LRP1: variants seen among roughly 807,000 people sequenced by gnomAD.
The protein encoded by LRP1 is prolow-density lipoprotein receptor-related protein 1.
In LRP1, 51 loss-of-function variants were observed where a neutral mutation model predicts 541.5. That is an observed-to-expected ratio of 0.09 (90% CI 0.08 to 0.12). The LOEUF is 0.12. Among genes scored for constraint, LRP1 ranks in the 10% least tolerant of loss-of-function variants. The probability of loss-of-function intolerance (pLI) is 1.00; values close to 1 mark genes in which losing one functional copy is unlikely to be tolerated. For missense variants in LRP1, 3,878 were observed against 6,376.2 expected (o/e 0.61, Z 13.34); for synonymous variants, 2,219 against 2,470.8 (o/e 0.90, Z 3.02).
Position 57,162,202 on chromosome 12 carries a change from G to A in LRP1, c.2203-115G>A. ...CTCTGGGGCTCCCAGGCTAATGGGG[G>A]AAACAAAGCAAAACCCATGCCCAGG... is the stretch of plus-strand genomic sequence containing the variant. On this transcript the variant is annotated intron_variant, in intron 13 of 88. Transcript: ENST00000243077. This position sits in a 1 kb window ranked among gnomAD's most constrained non-coding sequence, Gnocchi z 5.2. The A allele has an allele frequency of 1.1e-6, 1 of 937,364 alleles. No homozygotes were observed. The highest frequency in any genetic ancestry group is 1.8e-5 in the Admixed American group (1 of 56,948). The allele number at this position is 937,364 out of a possible 1,614,324, so 58.1% of individuals were successfully genotyped here. A position where few individuals can be genotyped will look rare whatever the true frequency, so the allele number is the denominator to read the frequency against.
intron 42 of LRP1, 84 bp from the exon 43 acceptor site, chr12:57,190,721 C>G: frequency 7.7e-7 from 1 of 1,303,278 alleles, no homozygotes; most frequent in South Asian, 1.2e-5. Context: ...CTTCCAGGTT[C>G]CAGGTGCCTA....
Position 57,156,401 on chromosome 12 carries a change from T to C in LRP1, c.1417+118T>C, listed in dbSNP as rs547741200. 334 of 1,075,904 alleles carry C rather than the reference T, an allele frequency of 3.1e-4. 3 individuals are homozygous for C. In the South Asian group the frequency reaches 5.2e-3, roughly 17 times the overall value. 66.6% of individuals were successfully genotyped at this position (1,075,904 alleles called of 1,614,324 possible). ...GGGGACCCTGGCTTCTTTCATGTCA[T>C]GACCGATTCTCCTAGCCAGCCACTC... On this transcript the variant is annotated intron_variant, in intron 9 of 88. Transcript: ENST00000243077. The surrounding 1 kb of genome is among the most constrained non-coding windows in gnomAD (Gnocchi z 5.2).
intron 6 of LRP1, chr12:57,149,183 G>GTGAA: frequency 2.3e-6 from 1 of 442,602 alleles, no homozygotes; most frequent in Non-Finnish European, 4.0e-6. Context: ...GACTTCACAT[G>GTGAA]TGAAAGCTAA....
Position 57,179,777 on chromosome 12 carries a change from C to A in LRP1, c.4967-5C>A, listed in dbSNP as rs1592636671. 1 of 1,613,256 alleles carries A rather than the reference C, an allele frequency of 6.2e-7. No homozygotes were observed. The highest frequency in any genetic ancestry group is 8.5e-7 in the Non-Finnish European group (1 of 1,179,626). ...CAACAACTGACTCCCTACTTGTGCC[C>A]CCAGACTTGCCAAATGCCCACGGGC... On this transcript the variant is annotated splice_region_variant and splice_polypyrimidine_tract_variant and intron_variant, in intron 29 of 88. Transcript: ENST00000243077. The surrounding 1 kb of genome is among the most constrained non-coding windows in gnomAD (Gnocchi z 6.8).
chr12:57,193,812 G>A, intron 47 of LRP1, 87 bp from the exon 48 acceptor site: 1 of 1,592,160 alleles, frequency 6.3e-7, no homozygotes, highest in Admixed American at 1.7e-5. Flanking sequence ...CAGGGCAGGT[G>A]CTGTGGGCCA....
Position 57,160,922 on chromosome 12 carries a change from A to G in LRP1, c.2009A>G (p.Asp670Gly). 6.2e-7 allele frequency: 1 copy of G among 1,613,246 alleles called. No individual in the cohort carries two copies. Among genetic ancestry groups the G allele is most frequent in the Non-Finnish European group, 8.5e-7 (1 of 1,179,848 alleles). ...ATGTACTGGACAGACTGGGAGGAGG[A>G]CCCCAAGGACAGTCGGCGTGGGCGG... ...GWMYWTDWEE[D>G]PKDSRRGRLE... The change falls in exon 13 of 89, where the codon GAC becomes GGC. Residue 670 changes from aspartate (D) to glycine (G), a missense_variant. Physicochemically the swap from Asp to Gly is moderately conservative, Grantham distance 94 (BLOSUM62 -1). Transcript: ENST00000243077.
chr12:57,169,661 G>A (rs766950564), intron 20 of LRP1, among the ~76,000 whole-genome samples: 2 of 152,200 alleles, frequency 1.3e-5, no homozygotes, highest in Non-Finnish European at 2.9e-5. Context: ...ACATCACAGC[G>A]CTGATGTGGG....
At chr12:57,193,054 C>A in intron 45 of LRP1, 84 bp downstream of exon 45, 1 of 1,586,500 alleles carries the variant, frequency 6.3e-7, no homozygotes, top group Non-Finnish European at 8.6e-7. Context: ...TGCTCCAGCC[C>A]AGCCCCCCAA....
Position 57,179,185 on chromosome 12 carries a change from G to A in LRP1, c.4739-144G>A. 1.7e-6 allele frequency: 2 copies of A among 1,188,012 alleles called. No homozygotes were observed. The highest frequency in any genetic ancestry group is 2.5e-5 in the East Asian group (1 of 39,266). 73.6% of individuals were successfully genotyped at this position (1,188,012 alleles called of 1,614,324 possible). A position where few individuals can be genotyped will look rare whatever the true frequency, so the allele number is the denominator to read the frequency against. The stretch of plus-strand genomic sequence containing the variant: ...TGAGAAGGGGCTGCAGGTCTGCCAG[G>A]GGGGCTGCACCCAGCGGGGTATGTC... On this transcript the variant is annotated intron_variant, in intron 28 of 88. Transcript: ENST00000243077. This position sits in a 1 kb window ranked among gnomAD's most constrained non-coding sequence, Gnocchi z 6.8.
At chr12:57,160,782 G>A in intron 12 of LRP1, 111 bp from the exon 13 acceptor site, 1 of 733,448 alleles carries the variant, frequency 1.4e-6, no homozygotes. Context: ...TGATGAGCAG[G>A]ACAGGAGACC....
chr12:57,180,298 AGACTCCCCGGCAGT>A lies in LRP1; in HGVS notation c.5237-23_5237-10del, dbSNP rs2036137989. ...TTCCCTGGATCCCCAGCCCTGGGCC[AGACTCCCCGGCAGT>A]GACTCCCCCTTTTCCAGGCCTGGCT... On this transcript the variant is annotated intron_variant, in intron 31 of 88. Transcript: ENST00000243077. 6.2e-7 allele frequency: 1 copy of A among 1,611,306 alleles called. No individual in the cohort carries two copies. The highest frequency in any genetic ancestry group is 1.7e-5 in the Admixed American group (1 of 59,948).
In LRP1 at chr12:57,209,204, G is replaced by GAGCCCGGCATAAGTCGCAGTCCCC. The variant is rs1414617061; in HGVS notation, c.12262+11_12262+34dup. Reference sequence around the variant, plus strand: ...TGGCTGCTGACAGCAAACGAGGTCAGAGCCCGGCATAAGTCGCAGTCCCCA... The same window carrying GAGCCCGGCATAAGTCGCAGTCCCC: ...TGGCTGCTGACAGCAAACGAGGTCAGAGCCCGGCATAAGTCGCAGTCCCCAGCCCGGCATAAGTCGCAGTCCCCA... On this transcript the variant is annotated splice_donor_region_variant and intron_variant, in intron 79 of 88. Coordinates refer to ENST00000243077, the MANE Select transcript of LRP1 (RefSeq NM_002332.3). The GAGCCCGGCATAAGTCGCAGTCCCC allele has an allele frequency of 1.9e-6, 3 of 1,611,790 alleles. No individual in the cohort carries two copies. Among genetic ancestry groups the GAGCCCGGCATAAGTCGCAGTCCCC allele is most frequent in the Admixed American group, 1.7e-5 (1 of 59,972 alleles).
At chr12:57,161,880 C>T (rs937889895) in intron 13 of LRP1, among the ~76,000 whole-genome samples, 1 of 152,198 alleles carries the variant, frequency 6.6e-6, no homozygotes, top group Admixed American at 6.5e-5. Flanking sequence ...GTGTCGTTTT[C>T]ACCTCTTACT....
Position 57,184,485 on chromosome 12 carries a change from G to A in LRP1, c.6186+33G>A, listed in dbSNP as rs373497981. 42 of 1,613,428 alleles carry A rather than the reference G, an allele frequency of 2.6e-5. No individual in the cohort carries two copies. The East Asian group carries it at 7.4e-4, about 28-fold the overall frequency. On this transcript the variant is annotated intron_variant, in intron 38 of 88. Transcript: ENST00000243077. The surrounding 1 kb of genome is among the most constrained non-coding windows in gnomAD (Gnocchi z 7.8). ...CGCCAACTTGGCCTTGGATCCGATGGTAGACCCCTGACCCAGGCTCCTGTT... is the reference window on the plus strand; with the variant it reads ...CGCCAACTTGGCCTTGGATCCGATGATAGACCCCTGACCCAGGCTCCTGTT...
intron 11 of LRP1, among the ~76,000 whole-genome samples, chr12:57,159,467 G>A (rs2035685263): frequency 6.6e-6 from 1 of 152,162 alleles, no homozygotes; most frequent in African/African-American, 2.4e-5. Context: ...GGATTTTTAG[G>A]CCTAGGATAT....
rs2035824586 is a variant in LRP1, at chr12:57,165,732, G to C, written c.2531-73G>C. Reference sequence around the variant, plus strand: ...AAAAAATAGTAAAACAAACAAAAATGGTGCAAAGGGCTTAGTACTTGTCCC... The same window carrying C: ...AAAAAATAGTAAAACAAACAAAAATCGTGCAAAGGGCTTAGTACTTGTCCC... On this transcript the variant is annotated intron_variant, in intron 15 of 88. Transcript: ENST00000243077. This position sits in a 1 kb window ranked among gnomAD's most constrained non-coding sequence, Gnocchi z 4.5. 6 of 1,458,614 alleles carry C rather than the reference G, an allele frequency of 4.1e-6. No individual in the cohort carries two copies. The highest frequency in any genetic ancestry group is 1.3e-5 in the South Asian group (1 of 79,152). 90.4% of individuals were successfully genotyped at this position (1,458,614 alleles called of 1,614,324 possible).
In LRP1 at chr12:57,190,797, TC is replaced by T. The variant is rs1565742971; in HGVS notation, c.7032-3del. The T allele has an allele frequency of 6.2e-7, 1 of 1,613,156 alleles. No individual in the cohort carries two copies. The highest frequency in any genetic ancestry group is 1.7e-5 in the Admixed American group (1 of 59,996). ...TTGCCTCCTGATCTCTGGACCCTCT[TC>T]CCCCAGCCTCATGTTCTGGACCAAC... On this transcript the variant is annotated splice_polypyrimidine_tract_variant and splice_region_variant and intron_variant, in intron 42 of 88. Transcript: ENST00000243077.
intron 64 of LRP1, 78 bp from the exon 65 acceptor site, chr12:57,200,956 C>A: frequency 6.2e-7 from 1 of 1,604,310 alleles, no homozygotes; most frequent in Non-Finnish European, 8.5e-7. Context: ...CCTGTGTCCT[C>A]CCTGCTGAGG....
chr12:57,157,403 G>A (rs1022815340), intron 10 of LRP1, among the ~76,000 whole-genome samples: 1 of 152,178 alleles, frequency 6.6e-6, no homozygotes, highest in South Asian at 2.1e-4. Flanking sequence ...TTGAGGTGAG[G>A]CGTTCCACAC....
Sources: allele counts gnomAD v4.1 joint callset (sites outside exome capture counted in the v4.1 genomes callset), GRCh38; gene constraint gnomAD v4.1.1; non-coding constraint Gnocchi (gnomAD v3.1); transcripts MANE v1.5; gene names NCBI Gene and HGNC (gene_info 2026-07-23, HGNC 2026-07-21).